The following TEX9 variants were observed in gnomAD, a reference collection of about 807,000 sequenced individuals.
The protein encoded by TEX9 is testis-expressed protein 9.
Under a neutral mutation model 59.6 loss-of-function variants are expected in TEX9, and 74 were observed. The observed-to-expected ratio is 1.24, with a 90% CI of 1.03 to 1.51. The LOEUF (loss-of-function observed/expected upper bound fraction) is 1.51, where lower values mean the gene tolerates loss of function less well. Ranked by LOEUF, TEX9 falls within the 40% of genes most tolerant of loss-of-function variation. The pLI, the probability that TEX9 is intolerant of heterozygous loss-of-function variation, is 0.00. For synonymous variants in TEX9, 186 were observed against 152.2 expected, an observed-to-expected ratio of 1.22 and a Z score of -1.64; for missense variants, 522 against 447.8, an observed-to-expected ratio of 1.17 and a Z score of -1.49.
At chr15:56,265,381 C>T (rs187903302) in intron 1 of TEX9, among the ~76,000 whole-genome samples, 181 of 152,016 alleles carry the variant, frequency 1.2e-3, no homozygotes, top group Non-Finnish European at 2.3e-3. Context: ...TCCTCTTGCC[C>T]AGGCTGGTCT....
chr15:56,449,249 G>A (rs1383189446), downstream of TEX9, among the ~76,000 whole-genome samples: 2 of 151,298 alleles, frequency 1.3e-5, no homozygotes, highest in Non-Finnish European at 2.9e-5. Flanking sequence ...AGTGTCAGAG[G>A]GGAAGTGTTT....
At chr15:56,340,440 A>G (rs1282638794) in intron 1 of TEX9, among the ~76,000 whole-genome samples, 9 of 152,178 alleles carry the variant, frequency 5.9e-5, no homozygotes, top group African/African-American at 1.2e-4. Context: ...CTCAAAAGGT[A>G]TTCCCTTTTG....
At chr15:56,247,052 CCTGA>C (rs1167768043) in intron 1 of TEX9, among the ~76,000 whole-genome samples, 13 of 152,106 alleles carry the variant, frequency 8.5e-5, no homozygotes, top group African/African-American at 2.7e-4. Context: ...ATTCCTGACT[CCTGA>C]CTATTTAATA....
At chr15:56,312,600 T>C (rs1358541695) in intron 1 of TEX9, among the ~76,000 whole-genome samples, 3 of 148,692 alleles carry the variant, frequency 2.0e-5, no homozygotes, top group Non-Finnish European at 4.5e-5. Context: ...CTTTGTTCTT[T>C]TGGCTTAGGA....
At chr15:56,399,514 T>C (rs2048663471) in intron 9 of TEX9, among the ~76,000 whole-genome samples, 1 of 152,208 alleles carries the variant, frequency 6.6e-6, no homozygotes, top group Admixed American at 6.5e-5. Flanking sequence ...CTCTATAGAC[T>C]CCACCTCTGT....
intron 1 of TEX9, among the ~76,000 whole-genome samples, chr15:56,255,796 A>T (rs1488473875): frequency 6.6e-6 from 1 of 152,078 alleles, no homozygotes; most frequent in Non-Finnish European, 1.5e-5. Flanking sequence ...AGAAGACTTT[A>T]ACACACATCT....
intron 1 of TEX9, among the ~76,000 whole-genome samples, chr15:56,277,068 G>T (rs371102226): frequency 6.6e-6 from 1 of 151,512 alleles, no homozygotes; most frequent in Admixed American, 6.6e-5. Context: ...CTGGATATTA[G>T]ACCTTTGTCA....
intron 2 of TEX9, 126 bp downstream of exon 2, chr15:56,365,796 C>G (rs2046916587): frequency 5.4e-6 from 8 of 1,469,614 alleles, no homozygotes; most frequent in Non-Finnish European, 5.4e-6. Context: ...CCCTTCTCGT[C>G]ATCTCGTTCA....
intron 1 of TEX9, among the ~76,000 whole-genome samples, chr15:56,253,500 C>G (rs1441070445): frequency 3.9e-5 from 6 of 152,152 alleles, no homozygotes; most frequent in Non-Finnish European, 8.8e-5. Flanking sequence ...TTCTGAGGTC[C>G]CTAAAGAAAG....
At chr15:56,300,624 G>T (rs151100386) in intron 1 of TEX9, among the ~76,000 whole-genome samples, 1 of 151,498 alleles carries the variant, frequency 6.6e-6, no homozygotes, top group Non-Finnish European at 1.5e-5. Context: ...GACCCAGCAC[G>T]TTCCCAGTGG....
intron 1 of TEX9, among the ~76,000 whole-genome samples, chr15:56,352,179 T>C (rs2046595373): frequency 6.6e-6 from 1 of 152,176 alleles, no homozygotes; most frequent in Non-Finnish European, 1.5e-5. Context: ...GAAGGAATCC[T>C]AGACAGGAGT....
intron 1 of TEX9, among the ~76,000 whole-genome samples, chr15:56,292,117 T>G (rs1431038895): frequency 6.6e-6 from 1 of 152,230 alleles, no homozygotes; most frequent in East Asian, 1.9e-4. Context: ...TTCCCCATAG[T>G]TAGGATACAT....
At chr15:56,376,049 C>T (rs2047434490) in intron 3 of TEX9, among the ~76,000 whole-genome samples, 1 of 138,128 alleles carries the variant, frequency 7.2e-6, no homozygotes, top group Non-Finnish European at 1.5e-5. Context: ...GGAAGGGGAA[C>T]ATCACACACT....
chr15:56,457,560 C>G, the TEX9 span, among the ~76,000 whole-genome samples: 3 of 152,140 alleles, frequency 2.0e-5, no homozygotes, highest in African/African-American at 7.2e-5. Context: ...CTGTGGCTTA[C>G]ACGTGTAATC....
chr15:56,391,428 C>T lies in TEX9; in HGVS notation c.571+10C>T. ...AATGACATTGGAACAGGTAGATTTT[C>T]TTTAGTTTTTTATTTTTATCTTTAT... On this transcript the variant is annotated intron_variant, in intron 7 of 12. Transcript: ENST00000352903. 6.8e-7 allele frequency: 1 copy of T among 1,479,556 alleles called. No homozygotes were observed. The highest frequency in any genetic ancestry group is 9.0e-7 in the Non-Finnish European group (1 of 1,110,840). 91.7% of individuals were successfully genotyped at this position (1,479,556 alleles called of 1,614,324 possible).
chr15:56,366,450 C>T (rs994686859), intron 2 of TEX9, among the ~76,000 whole-genome samples: 3 of 152,190 alleles, frequency 2.0e-5, no homozygotes, highest in Non-Finnish European at 4.4e-5. Context: ...CAGTCACACA[C>T]GCCTTCAACC....
At chr15:56,321,535 T>TAAAAA (rs2045903604) in intron 1 of TEX9, among the ~76,000 whole-genome samples, 3 of 152,118 alleles carry the variant, frequency 2.0e-5, no homozygotes, top group South Asian at 4.1e-4. Flanking sequence ...GGCCATTATA[T>TAAAAA]GAAAAGGTAA....
chr15:56,394,632 T>C (rs758943644), intron 8 of TEX9, 29 bp from the exon 9 acceptor site: 3 of 1,436,980 alleles, frequency 2.1e-6, no homozygotes, highest in Non-Finnish European at 2.8e-6. Context: ...ACATATTTTT[T>C]CACATAATCT....
intron 1 of TEX9, among the ~76,000 whole-genome samples, chr15:56,327,995 A>T (rs1376967243): frequency 6.6e-6 from 1 of 151,910 alleles, no homozygotes; most frequent in Non-Finnish European, 1.5e-5. Context: ...AACTACTGAG[A>T]CACCAGCCAG....
Sources: gnomAD v4.1 joint callset for allele counts (sites outside exome capture counted in the v4.1 genomes callset) on GRCh38, gnomAD v4.1.1 for gene constraint, MANE v1.5 for transcripts, NCBI Gene and HGNC (gene_info 2026-07-23, HGNC 2026-07-21) for gene names.